Variants in LHFPL3 observed in about 807,000 individuals in gnomAD.
LHFPL3 encodes the protein LHFPL tetraspan subfamily member 3 protein.
A neutral mutation model predicts 19.3 loss-of-function variants in LHFPL3; 5 were observed. The observed-to-expected ratio is 0.26, with a 90% CI of 0.14 to 0.54. The LOEUF (loss-of-function observed/expected upper bound fraction) is 0.54. Among genes scored for constraint, LHFPL3 ranks in the 20% least tolerant of loss-of-function variants. LHFPL3 has a pLI of 0.94. For missense variants in LHFPL3, 249 were observed against 307.4 expected (o/e 0.81, Z 1.42); for synonymous variants, 133 against 126.2 (o/e 1.05, Z -0.36).
chr7:104,557,099 T>G (rs1162628170), intron 1 of LHFPL3, among the ~76,000 whole-genome samples: 1 of 152,202 alleles, frequency 6.6e-6, no homozygotes, highest in Non-Finnish European at 1.5e-5. Context: ...TTCCAAACTT[T>G]CCAACATTTG....
intron 2 of LHFPL3, among the ~76,000 whole-genome samples, chr7:104,829,019 A>G (rs1258268007): frequency 2.1e-5 from 2 of 94,298 alleles, no homozygotes; most frequent in Non-Finnish European, 4.3e-5. Context: ...CAACAGAGTG[A>G]GACTCCATCT....
chr7:104,757,791 T>C (rs1367576915), intron 2 of LHFPL3: 1 of 152,200 alleles, frequency 6.6e-6, no homozygotes, highest in African/African-American at 2.4e-5. Flanking sequence ...GAAAGCAGTT[T>C]GGAGATTTCT....
At chr7:104,829,681 T>C (rs1012777270) in intron 2 of LHFPL3, among the ~76,000 whole-genome samples, 1 of 151,938 alleles carries the variant, frequency 6.6e-6, no homozygotes, top group Non-Finnish European at 1.5e-5. Context: ...TATGGCTGCA[T>C]AGTATTCCAT....
intron 1 of LHFPL3, among the ~76,000 whole-genome samples, chr7:104,494,125 T>G (rs1330540017): frequency 6.6e-6 from 1 of 152,176 alleles, no homozygotes; most frequent in African/African-American, 2.4e-5. Context: ...TAGTAAGGCT[T>G]GTCTTATTTT....
intron 1 of LHFPL3, among the ~76,000 whole-genome samples, chr7:104,653,367 T>G (rs1792064709): frequency 6.6e-6 from 1 of 152,046 alleles, no homozygotes; most frequent in East Asian, 1.9e-4. Context: ...AAATTGAGGT[T>G]GGAGTAATAA....
chr7:104,546,523 T>G (rs1794580362), intron 1 of LHFPL3, among the ~76,000 whole-genome samples: 1 of 152,156 alleles, frequency 6.6e-6, no homozygotes, highest in Non-Finnish European at 1.5e-5. Flanking sequence ...AAACTAATAC[T>G]TGGGATGAAA....
intron 1 of LHFPL3, among the ~76,000 whole-genome samples, chr7:104,519,287 A>G (rs746490521): frequency 6.6e-6 from 1 of 152,184 alleles, no homozygotes; most frequent in African/African-American, 2.4e-5. Flanking sequence ...TGCTGAGTGC[A>G]CTGAGATTTG....
At chr7:104,471,684 A>G (rs1306407909) in intron 1 of LHFPL3, among the ~76,000 whole-genome samples, 1 of 152,206 alleles carries the variant, frequency 6.6e-6, no homozygotes, top group African/African-American at 2.4e-5. Flanking sequence ...TAACCATTCC[A>G]TGTCTTGTTT....
chr7:104,329,009 A>G lies in LHFPL3; in HGVS notation c.230A>G (p.His77Arg), dbSNP rs1173781833. The change falls in exon 1 of 3, where the codon CAC (histidine) becomes CGC (arginine). Residue 77 changes from histidine (H) to arginine (R), a missense_variant. Transcript: ENST00000424859. ...TPQAGYFGLF[H>R]YCIGNGFSRE... ...CAAGCCGGCTATTTCGGGCTCTTCCACTACTGCATCGGCAACGGCTTCTCC... is the reference window on the plus strand; with the variant it reads ...CAAGCCGGCTATTTCGGGCTCTTCCGCTACTGCATCGGCAACGGCTTCTCC... The G allele has an allele frequency of 6.2e-7, 1 of 1,614,046 alleles. No homozygotes were observed. Among genetic ancestry groups the G allele is most frequent in the Non-Finnish European group, 8.5e-7 (1 of 1,179,946 alleles).
chr7:104,421,711 A>G (rs1791736270), intron 1 of LHFPL3, among the ~76,000 whole-genome samples: 1 of 152,224 alleles, frequency 6.6e-6, no homozygotes, highest in Admixed American at 6.5e-5. Flanking sequence ...GTAATTTGCC[A>G]AGATATGGAG....
At chr7:104,569,546 T>C (rs1790187544) in intron 1 of LHFPL3, among the ~76,000 whole-genome samples, 2 of 152,222 alleles carry the variant, frequency 1.3e-5, no homozygotes, top group South Asian at 4.1e-4. Flanking sequence ...GGGACACATA[T>C]AGATAGTAAA....
At chr7:104,438,429 A>G (rs544206046) in intron 1 of LHFPL3, among the ~76,000 whole-genome samples, 10 of 152,362 alleles carry the variant, frequency 6.6e-5, no homozygotes, top group African/African-American at 2.4e-4. Context: ...CTGTGTGCAT[A>G]TAGATTCTCT....
intron 2 of LHFPL3, chr7:104,757,774 C>T (rs1794311871): frequency 6.6e-6 from 1 of 152,150 alleles, no homozygotes; most frequent in African/African-American, 2.4e-5. Context: ...TTAGTTCAGC[C>T]ACTGTGGAAA....
At chr7:104,794,753 C>T (rs933513453) in intron 2 of LHFPL3, among the ~76,000 whole-genome samples, 2 of 152,186 alleles carry the variant, frequency 1.3e-5, no homozygotes, top group Non-Finnish European at 2.9e-5. Context: ...TAGAAAGAAT[C>T]AGCCTCTGTG....
chr7:104,470,541 A>G (rs1356906196), intron 1 of LHFPL3, among the ~76,000 whole-genome samples: 1 of 152,202 alleles, frequency 6.6e-6, no homozygotes, highest in African/African-American at 2.4e-5. Context: ...TTTCACCAAC[A>G]TTTTGAGTGT....
At chr7:104,477,458 G>A (rs1267726395) in intron 1 of LHFPL3, among the ~76,000 whole-genome samples, 1 of 152,116 alleles carries the variant, frequency 6.6e-6, no homozygotes, top group Non-Finnish European at 1.5e-5. Context: ...AAGAGGGGAG[G>A]ATAATCATTA....
At chr7:104,557,977 T>G (rs1789885358) in intron 1 of LHFPL3, among the ~76,000 whole-genome samples, 1 of 150,744 alleles carries the variant, frequency 6.6e-6, no homozygotes, top group Non-Finnish European at 1.5e-5. Flanking sequence ...TGATTTCCAA[T>G]TTCATCCATG....
intron 1 of LHFPL3, among the ~76,000 whole-genome samples, chr7:104,426,941 C>T (rs780730910): frequency 2.0e-5 from 3 of 152,132 alleles, no homozygotes; most frequent in Admixed American, 6.6e-5. Flanking sequence ...GCCCAACCCC[C>T]AACACGTGTG....
intron 2 of LHFPL3, among the ~76,000 whole-genome samples, chr7:104,779,215 G>A (rs1244277668): frequency 6.6e-6 from 1 of 152,124 alleles, no homozygotes; most frequent in Non-Finnish European, 1.5e-5. Flanking sequence ...TCATAGGGTG[G>A]TTATGAGGAT....
Sources: allele counts gnomAD v4.1 joint callset (sites outside exome capture counted in the v4.1 genomes callset), GRCh38; gene constraint gnomAD v4.1.1; transcripts MANE v1.5; gene names NCBI Gene and HGNC (gene_info 2026-07-23, HGNC 2026-07-21).